The following METTL16 variants were observed in gnomAD, a reference collection of about 807,000 sequenced individuals.
METTL16 encodes the protein RNA N(6)-adenosine-methyltransferase METTL16.
A neutral mutation model predicts 57.9 loss-of-function variants in METTL16; 19 were observed. The observed-to-expected ratio is 0.33, with a 90% CI of 0.23 to 0.48. The LOEUF (loss-of-function observed/expected upper bound fraction) is 0.48. METTL16 is among the 20% of genes least tolerant of loss of function. The pLI is 0.99. For synonymous variants in METTL16, 246 were observed against 255.6 expected (o/e 0.96, Z 0.36); for missense variants, 434 against 691.5 (o/e 0.63, Z 4.18).
chr17:2,419,877 A>C lies in METTL16; in HGVS notation c.*93T>G. The C allele has an allele frequency of 3.5e-6, 5 of 1,440,696 alleles. No individual in the cohort carries two copies. Among genetic ancestry groups the C allele is most frequent in the Non-Finnish European group, 4.8e-6 (5 of 1,040,052 alleles). 89.2% of individuals were successfully genotyped at this position (1,440,696 alleles called of 1,614,324 possible). ...TTCGAAGATAATTCCACATCGTGCTACTAATGGGCCGCTGGTAGGATTCCT... is the reference window on the plus strand; with the variant it reads ...TTCGAAGATAATTCCACATCGTGCTCCTAATGGGCCGCTGGTAGGATTCCT... On this transcript the variant is annotated 3_prime_UTR_variant, in exon 10 of 10. Transcript: ENST00000263092.
At chr17:2,487,350 T>C (rs2067351067) in intron 2 of METTL16, among the ~76,000 whole-genome samples, 1 of 152,168 alleles carries the variant, frequency 6.6e-6, no homozygotes, top group African/African-American at 2.4e-5. Context: ...AACAAACAAG[T>C]GAAGCCCTGG....
intron 3 of METTL16, among the ~76,000 whole-genome samples, chr17:2,476,233 A>C (rs1260531474): frequency 2.0e-5 from 3 of 152,216 alleles, no homozygotes; most frequent in Admixed American, 6.5e-5. Context: ...GATGTTTTTC[A>C]GAAATCCAAG....
In METTL16 at chr17:2,453,047, A is replaced by G. The variant is rs548163925; in HGVS notation, c.728+11161T>C. On this transcript the variant is annotated intron_variant, in intron 6 of 9. Transcript: ENST00000263092. ...GCTAATTTTTGTATTTTCCCTAGAG[A>G]CAGGGTTTCACTGTGTTGGTCAGGC... Among the ~76,000 whole-genome samples, 22 of 152,062 alleles carry G rather than the reference A, an allele frequency of 1.4e-4. No individual in the cohort carries two copies. In the East Asian group the frequency reaches 4.1e-3, roughly 28 times the overall value.
rs373634113 is a variant in METTL16 at position 2,444,024 on chromosome 17, A to C, written c.729-2465T>G. On this transcript the variant is annotated intron_variant, in intron 6 of 9. Coordinates refer to ENST00000263092, the MANE Select transcript of METTL16 (RefSeq NM_024086.4). Reference sequence around the variant, plus strand: ...AAATTGCTAAAAGATTAGACTTAAAATGTTCTCACCACACAAAAAATTGGG... The same window carrying C: ...AAATTGCTAAAAGATTAGACTTAAACTGTTCTCACCACACAAAAAATTGGG... Among the ~76,000 whole-genome samples the C allele has an allele frequency of 3.0e-4, 45 of 152,338 alleles. 2 individuals are homozygous for C. In the South Asian group the frequency reaches 9.3e-3, roughly 32 times the overall value.
intron 2 of METTL16, among the ~76,000 whole-genome samples, chr17:2,480,767 G>A (rs1276377310): frequency 6.6e-6 from 1 of 152,178 alleles, no homozygotes; most frequent in African/African-American, 2.4e-5. Context: ...ATAGACCATA[G>A]AATAAAATAC....
chr17:2,423,835 T>C (rs1301403237), intron 8 of METTL16, among the ~76,000 whole-genome samples: 1 of 152,238 alleles, frequency 6.6e-6, no homozygotes, highest in Non-Finnish European at 1.5e-5. Context: ...ACGGGCTTCA[T>C]CATTTCTAGA....
At chr17:2,507,088 C>A (rs911179004) in intron 1 of METTL16, among the ~76,000 whole-genome samples, 3 of 150,426 alleles carry the variant, frequency 2.0e-5, no homozygotes, top group African/African-American at 7.3e-5. Flanking sequence ...GGTCAGCCCC[C>A]CGCCTGGCCA....
chr17:2,481,936 A>C (rs1455009973), intron 2 of METTL16, among the ~76,000 whole-genome samples: 1 of 152,184 alleles, frequency 6.6e-6, no homozygotes, highest in Non-Finnish European at 1.5e-5. Flanking sequence ...AGTAGGGTAC[A>C]TGAGGCTGCT....
intron 1 of METTL16, among the ~76,000 whole-genome samples, chr17:2,507,216 C>T (rs1468234575): frequency 2.0e-5 from 3 of 148,280 alleles, no homozygotes; most frequent in East Asian, 2.1e-4. Flanking sequence ...GTCAGCCCCC[C>T]GCCCGGCCAG....
At chr17:2,434,323 T>C (rs1266476218) in intron 8 of METTL16, among the ~76,000 whole-genome samples, 1 of 152,200 alleles carries the variant, frequency 6.6e-6, no homozygotes, top group African/African-American at 2.4e-5. Context: ...CAAGCGATTC[T>C]CCTGCCTCAG....
rs557674881 is a variant in METTL16, at chr17:2,511,835, T to A, written c.-77A>T. The A allele has an allele frequency of 2.5e-6, 1 of 398,636 alleles. No homozygotes were observed. Among genetic ancestry groups the A allele is most frequent in the Admixed American group, 4.4e-5 (1 of 22,738 alleles). 24.7% of individuals were successfully genotyped at this position (398,636 alleles called of 1,614,324 possible). A position where few individuals can be genotyped will look rare whatever the true frequency, so the allele number is the denominator to read the frequency against. ...ACCCTAGAATCTTAAAGCAGCCGCA[T>A]AGCGAAGCTCCTAGAAACGCAGATG... On this transcript the variant is annotated 5_prime_UTR_variant, in exon 1 of 10. An upstream start codon of the reference 5' UTR is lost. Transcript: ENST00000263092.
chr17:2,474,389 A>G (rs2067255759), intron 3 of METTL16, among the ~76,000 whole-genome samples: 1 of 140,076 alleles, frequency 7.1e-6, no homozygotes, highest in South Asian at 2.1e-4. Flanking sequence ...ACAAAAAGAA[A>G]AAAAAAAAAA....
At chr17:2,452,226 T>TA (rs1302207027) in intron 6 of METTL16, among the ~76,000 whole-genome samples, 23 of 152,028 alleles carry the variant, frequency 1.5e-4, no homozygotes, top group Non-Finnish European at 2.5e-4. Context: ...TAGTAATAGT[T>TA]AAACATGCCA....
chr17:2,505,008 A>T (rs1218548432), intron 1 of METTL16, among the ~76,000 whole-genome samples: 2 of 152,218 alleles, frequency 1.3e-5, no homozygotes, highest in Non-Finnish European at 2.9e-5. Context: ...CTAAAACCAA[A>T]TGAAAACGAA....
intron 2 of METTL16, 49 bp from the exon 3 acceptor site, chr17:2,477,934 G>C: frequency 6.6e-7 from 1 of 1,511,064 alleles, no homozygotes. Context: ...GATTCACTAT[G>C]TTGTACAAGC....
Position 2,467,830 on chromosome 17 carries a change from T to C in METTL16, c.516A>G (p.Glu172=), listed in dbSNP as rs2067212363. Residue 172 remains glutamate, a synonymous_variant, in exon 5 of 10, where the codon GAA becomes GAG. Transcript: ENST00000263092. ...AAAAGTCATAGATTATCTCAGATTCTTCTTTAAGAGCATCCATCAGGAGTG... is the reference window on the plus strand; with the variant it reads ...AAAAGTCATAGATTATCTCAGATTCCTCTTTAAGAGCATCCATCAGGAGTG... ...QKTLLMDALK[E]ESEIIYDFCM... 1 of 1,614,218 alleles carries C rather than the reference T, an allele frequency of 6.2e-7. No homozygotes were observed. The highest frequency in any genetic ancestry group is 8.5e-7 in the Non-Finnish European group (1 of 1,180,024).
intron 1 of METTL16, among the ~76,000 whole-genome samples, chr17:2,503,184 G>T (rs1385636197): frequency 6.6e-6 from 1 of 152,170 alleles, no homozygotes; most frequent in African/African-American, 2.4e-5. Context: ...GAGTGAAAAG[G>T]TGGGAAACAA....
chr17:2,499,055 C>T (rs2067467788), intron 2 of METTL16, among the ~76,000 whole-genome samples: 1 of 151,634 alleles, frequency 6.6e-6, no homozygotes, highest in South Asian at 2.1e-4. Context: ...TCAAATCATT[C>T]TCTAAATCCC....
chr17:2,415,856 T>C (rs1474992168), downstream of METTL16: 1 of 152,274 alleles, frequency 6.6e-6, no homozygotes, highest in Non-Finnish European at 1.5e-5. Flanking sequence ...TGAAGATCAC[T>C]CAGCATTTCC....
Sources: allele counts gnomAD v4.1 joint callset (sites outside exome capture counted in the v4.1 genomes callset), GRCh38; gene constraint gnomAD v4.1.1; transcripts MANE v1.5; gene names NCBI Gene and HGNC (gene_info 2026-07-23, HGNC 2026-07-21).